Variants in CNPY4 observed in about 807,000 individuals in gnomAD.
CNPY4 encodes the protein canopy FGF signaling regulator 4.
CNPY4 carries 33 observed loss-of-function variants against 30.1 expected under a neutral mutation model. The ratio of observed to expected loss-of-function variants is 1.10; its 90% confidence interval spans 0.83 to 1.46. CNPY4 has a LOEUF of 1.46. CNPY4 is among the 40% of genes most tolerant of loss of function. CNPY4 has a pLI of 0.00. For missense variants in CNPY4, 324 were observed against 302.6 expected (o/e 1.07, Z -0.52); for synonymous variants, 109 against 110.1 (o/e 0.99, Z 0.06).
chr7:100,121,506 G>A (rs1359267404), intron 1 of CNPY4: 1 of 149,606 alleles, frequency 6.7e-6, no homozygotes, highest in Non-Finnish European at 1.5e-5. Flanking sequence ...GGGGTGCAGT[G>A]GTGGGATCTC....
chr7:100,120,071 T>G, intron 1 of CNPY4: 1 of 469,900 alleles, frequency 2.1e-6, no homozygotes, highest in Non-Finnish European at 3.7e-6. Context: ...TGCATTTTTT[T>G]GGCTGGCTTG....
At position 100,121,110 on chromosome 7, in the gene CNPY4, A is replaced by ATTT. The variant is rs1798036782; in HGVS notation, c.119-1148_119-1147insTTT. The ATTT allele has an allele frequency of 1.2e-3, 33 of 28,390 alleles. 1 individual carries two copies. The highest frequency in any genetic ancestry group is 1.5e-3 in the Non-Finnish European group (22 of 14,502). The allele number at this position is 28,390 out of a possible 1,614,324, so 1.8% of individuals were successfully genotyped here. A position where few individuals can be genotyped will look rare whatever the true frequency, so the allele number is the denominator to read the frequency against. Reference sequence around the variant, plus strand: ...TAATTTTATATATATATATATATATATATATATTTTTTTTTTTTTTTTTTT... The same window carrying ATTT: ...TAATTTTATATATATATATATATATATTTTATATATTTTTTTTTTTTTTTTTTT... On this transcript the variant is annotated intron_variant, in intron 1 of 5. Transcript: ENST00000262932.
At position 100,122,803 on chromosome 7, in the gene CNPY4, C is replaced by T; in HGVS notation, c.362C>T (p.Ala121Val). ...TCTCAGGGTCAGAGTCAGACCATGG[C>T]AACACTGAAAGGCCTAGTGCAGAAG... ...RYAKGQSQTMATLKGLVQKGV... is the reference protein window; with the variant it reads ...RYAKGQSQTMVTLKGLVQKGV... The change falls in exon 4 of 6, where the codon GCA becomes GTA. Residue 121 changes from alanine to valine, a missense_variant. Coordinates refer to ENST00000262932, the MANE Select transcript of CNPY4 (RefSeq NM_152755.2). The T allele has an allele frequency of 6.2e-7, 1 of 1,613,730 alleles. No homozygotes were observed.
chr7:100,120,366 G>A (rs1316957280), intron 1 of CNPY4: 1 of 152,694 alleles, frequency 6.5e-6, no homozygotes, highest in Admixed American at 6.5e-5. Flanking sequence ...ACACAACTAG[G>A]AGAGTGTCCC....
rs747278381 is a variant in CNPY4, at chr7:100,125,308, A to G, written c.*420A>G. ...CGGACATTCTCTGCGATCTATATACATTGCCTGTATCCAGGAGGCTACACA... is the reference window on the plus strand; with the variant it reads ...CGGACATTCTCTGCGATCTATATACGTTGCCTGTATCCAGGAGGCTACACA... On this transcript the variant is annotated 3_prime_UTR_variant, in exon 6 of 6. Coordinates refer to ENST00000262932, the MANE Select transcript of CNPY4 (RefSeq NM_152755.2). 19 of 167,736 alleles carry G rather than the reference A, an allele frequency of 1.1e-4. No individual in the cohort carries two copies. Among genetic ancestry groups the G allele is most frequent in the Admixed American group, 5.5e-4 (10 of 18,178 alleles). The allele number at this position is 167,736 out of a possible 1,614,324, so 10.4% of individuals were successfully genotyped here.
In CNPY4 at chr7:100,124,498, CCTT is replaced by C; in HGVS notation, c.466-13_466-11del. ...CCTCCAGAGCAGATACTCTTCTGGC[CCTT>C]CTACTTGACCAGTGTGAGACCATGT... On this transcript the variant is annotated splice_polypyrimidine_tract_variant and intron_variant, in intron 4 of 5. Coordinates refer to ENST00000262932, the MANE Select transcript of CNPY4 (RefSeq NM_152755.2). The C allele has an allele frequency of 6.3e-7, 1 of 1,581,068 alleles. No individual in the cohort carries two copies.
intron 1 of CNPY4, 44 bp downstream of exon 1, chr7:100,119,906 C>T (rs1215791166): frequency 3.3e-6 from 5 of 1,529,080 alleles, no homozygotes; most frequent in African/African-American, 1.4e-5. Flanking sequence ...CCGGCCACAC[C>T]TCCTTCTTCT....
At chr7:100,121,112 ATATATTTTTTTTTTTTTTTT>A (rs1798041933) in intron 1 of CNPY4, 2 of 30,710 alleles carry the variant, frequency 6.5e-5, no homozygotes, top group East Asian at 5.7e-4. Context: ...ATATATATAT[ATATATTTTTTTTTTTTTTTT>A]TTTTTTTTTT....
chr7:100,122,427 G>T, intron 2 of CNPY4, 42 bp downstream of exon 2: 1 of 1,614,068 alleles, frequency 6.2e-7, no homozygotes, highest in South Asian at 1.1e-5. Context: ...CCCCAACGGA[G>T]CCCTGGGAGT....
chr7:100,124,650 C>G lies in CNPY4; in HGVS notation c.583+19C>G. 1 of 1,611,596 alleles carries G rather than the reference C, an allele frequency of 6.2e-7. No homozygotes were observed. Among genetic ancestry groups the G allele is most frequent in the Non-Finnish European group, 8.5e-7 (1 of 1,178,120 alleles). On this transcript the variant is annotated intron_variant, in intron 5 of 5. Coordinates refer to ENST00000262932, the MANE Select transcript of CNPY4 (RefSeq NM_152755.2). ...GAAACTGGTAAGCGTAAGGGTTGAA[C>G]TCCTCTCCTGCCAAGCCATAGCCTC...
chr7:100,124,694 T>C (rs1191207651), intron 5 of CNPY4, 31 bp from the exon 6 acceptor site: 1 of 1,613,334 alleles, frequency 6.2e-7, no homozygotes, highest in Admixed American at 1.7e-5. Flanking sequence ...CCAGGACTAA[T>C]ATCTAAATTG....
In CNPY4 at chr7:100,119,694, C is replaced by G; in HGVS notation, c.-51C>G. On this transcript the variant is annotated 5_prime_UTR_variant, in exon 1 of 6. Coordinates refer to ENST00000262932, the MANE Select transcript of CNPY4 (RefSeq NM_152755.2). ...CTGGGAATTTAAGGGACCCACACTACCTTCCCGAAGTTGAAGGCAAGCGGT... is the reference window on the plus strand; with the variant it reads ...CTGGGAATTTAAGGGACCCACACTAGCTTCCCGAAGTTGAAGGCAAGCGGT... The G allele has an allele frequency of 1.2e-6, 2 of 1,613,866 alleles. No individual in the cohort carries two copies. Among genetic ancestry groups the G allele is most frequent in the Non-Finnish European group, 1.7e-6 (2 of 1,179,908 alleles).
In CNPY4 at chr7:100,125,210, A is replaced by G; in HGVS notation, c.*322A>G. ...ACCCAAAAGTCAGCAGTGGCACTGG[A>G]GCTGTGGGCTTTGGGGAAGTCACTT... On this transcript the variant is annotated 3_prime_UTR_variant, in exon 6 of 6. Transcript: ENST00000262932. The G allele has an allele frequency of 3.6e-6, 1 of 280,456 alleles. No individual in the cohort carries two copies. Among genetic ancestry groups the G allele is most frequent in the Non-Finnish European group, 6.7e-6 (1 of 148,718 alleles). The allele number at this position is 280,456 out of a possible 1,614,324, so 17.4% of individuals were successfully genotyped here.
chr7:100,124,276 A>G (rs1310131427), intron 4 of CNPY4, among the ~76,000 whole-genome samples: 1 of 151,452 alleles, frequency 6.6e-6, no homozygotes, highest in Non-Finnish European at 1.5e-5. Context: ...GGTAGGTGCA[A>G]TTACCATACA....
chr7:100,122,109 A>C, intron 1 of CNPY4, 150 bp from the exon 2 acceptor site: 1 of 824,436 alleles, frequency 1.2e-6, no homozygotes, highest in Non-Finnish European at 1.9e-6. Context: ...ATTGCCACAC[A>C]GCTGCTAAAT....
chr7:100,124,320 T>G, intron 4 of CNPY4, 194 bp from the exon 5 acceptor site: 1 of 551,260 alleles, frequency 1.8e-6, no homozygotes, highest in Non-Finnish European at 3.2e-6. Flanking sequence ...ACTCAAGAGT[T>G]TAATAATCTA....
In CNPY4 at chr7:100,124,604, G is replaced by A. The variant is rs1218849130; in HGVS notation, c.556G>A (p.Gly186Ser). 1 of 1,613,364 alleles carries A rather than the reference G, an allele frequency of 6.2e-7. No homozygotes were observed. Among genetic ancestry groups the A allele is most frequent in the Admixed American group, 1.7e-5 (1 of 59,830 alleles). Residue 186 changes from glycine (G) to serine (S), a missense_variant, in exon 5 of 6, where the codon GGT becomes AGT. Physicochemically the swap from Gly to Ser is moderately conservative, Grantham distance 56. Transcript: ENST00000262932. Reference protein sequence around the residue: ...EQPLQNFLCEGHVLPAAETAC... With the variant: ...EQPLQNFLCESHVLPAAETAC... ...GCCCCTACAAAATTTTCTCTGTGAA[G>A]GTCATGTGCTCCCAGCTGCTGAAAC... is the stretch of plus-strand genomic sequence containing the variant.
chr7:100,123,297 G>A (rs1043433126), intron 4 of CNPY4, among the ~76,000 whole-genome samples: 3 of 151,252 alleles, frequency 2.0e-5, no homozygotes, highest in Admixed American at 6.6e-5. Context: ...AGCCAAGATC[G>A]CACCATTGCA....
intron 4 of CNPY4, 145 bp downstream of exon 4, chr7:100,123,051 TC>T: frequency 1.1e-6 from 1 of 913,322 alleles, no homozygotes; most frequent in Non-Finnish European, 1.5e-6. Context: ...TTAAAGTGGG[TC>T]CAGGAGCGGT....
Sources: allele counts gnomAD v4.1 joint callset (sites outside exome capture counted in the v4.1 genomes callset), GRCh38; gene constraint gnomAD v4.1.1; transcripts MANE v1.5; gene names NCBI Gene and HGNC (gene_info 2026-07-23, HGNC 2026-07-21).